The following ANTXR1 variants were observed in gnomAD, a reference collection of about 807,000 sequenced individuals.
ANTXR1 encodes anthrax toxin receptor 1.
ANTXR1 carries 19 observed loss-of-function variants against 78.1 expected under a neutral mutation model. That is an observed-to-expected ratio of 0.24 (90% CI 0.17 to 0.36). ANTXR1 has a LOEUF of 0.36. Among genes scored for constraint, ANTXR1 ranks in the 10% least tolerant of loss-of-function variants. The pLI is 1.00. For missense variants in ANTXR1, 518 were observed against 718.6 expected, an observed-to-expected ratio of 0.72 and a Z score of 3.19; for synonymous variants, 273 against 260.5, an observed-to-expected ratio of 1.05 and a Z score of -0.46.
At chr2:69,096,632 C>A (rs935963491) in intron 9 of ANTXR1, among the ~76,000 whole-genome samples, 1 of 152,074 alleles carries the variant, frequency 6.6e-6, no homozygotes, top group African/African-American at 2.4e-5. Flanking sequence ...CCTATCTGAT[C>A]TGCATATATA....
At chr2:69,186,385 G>A (rs1674416352) in intron 16 of ANTXR1, among the ~76,000 whole-genome samples, 1 of 152,220 alleles carries the variant, frequency 6.6e-6, no homozygotes. Context: ...TGAGTCCCGT[G>A]CTAGCCACAA....
intron 17 of ANTXR1, among the ~76,000 whole-genome samples, chr2:69,230,884 T>C (rs1675579716): frequency 6.6e-6 from 1 of 152,210 alleles, no homozygotes; most frequent in South Asian, 2.1e-4. Context: ...GGGCTTGTTG[T>C]ACAGATTATT....
At chr2:69,114,992 A>G (rs184974234) in intron 10 of ANTXR1, among the ~76,000 whole-genome samples, 2 of 152,322 alleles carry the variant, frequency 1.3e-5, no homozygotes, top group East Asian at 1.9e-4. Context: ...AAGCCATGGT[A>G]GACATTACGC....
intron 13 of ANTXR1, among the ~76,000 whole-genome samples, chr2:69,161,377 A>G (rs1673678485): frequency 6.6e-6 from 1 of 152,186 alleles, no homozygotes. Context: ...AATCATTTGA[A>G]ATCTGAGTTC....
At chr2:69,074,831 A>T (rs1670680653) in intron 6 of ANTXR1, among the ~76,000 whole-genome samples, 1 of 152,256 alleles carries the variant, frequency 6.6e-6, no homozygotes, top group South Asian at 2.1e-4. Context: ...TTAAGCACCC[A>T]CTGTAAGTGC....
At chr2:69,028,188 A>C (rs933253431) in intron 1 of ANTXR1, among the ~76,000 whole-genome samples, 1 of 152,228 alleles carries the variant, frequency 6.6e-6, no homozygotes. Flanking sequence ...CTTTAATAGA[A>C]GAAAACTCTT....
chr2:69,219,069 A>C (rs13002951), intron 17 of ANTXR1, among the ~76,000 whole-genome samples: 2 of 152,198 alleles, frequency 1.3e-5, no homozygotes, highest in Non-Finnish European at 2.9e-5. Context: ...GAATGCTTAA[A>C]AGAATTAAGC....
At chr2:69,183,263 C>T (rs191136802) in intron 16 of ANTXR1, among the ~76,000 whole-genome samples, 4,887 of 134,366 alleles carry the variant, frequency 0.036, 282 homozygotes, top group African/African-American at 0.19. Flanking sequence ...AGGACTCACT[C>T]TTTCTGGTTG....
At chr2:69,044,445 C>G (rs1474068364) in intron 2 of ANTXR1, among the ~76,000 whole-genome samples, 1 of 152,168 alleles carries the variant, frequency 6.6e-6, no homozygotes, top group Non-Finnish European at 1.5e-5. Flanking sequence ...ACACTTCAAA[C>G]AGAACACAGG....
At chr2:69,131,523 C>T (rs901999462) in intron 12 of ANTXR1, among the ~76,000 whole-genome samples, 6 of 152,190 alleles carry the variant, frequency 3.9e-5, no homozygotes, top group African/African-American at 9.7e-5. Flanking sequence ...ATAAAGCAAA[C>T]GCAGACATTG....
At position 69,249,204 on chromosome 2, in the gene ANTXR1, G is replaced by A. The variant is rs1259783075; in HGVS notation, c.*3719G>A. 3 of 146,900 alleles carry A rather than the reference G, an allele frequency of 2.0e-5. No homozygotes were observed. The highest frequency in any genetic ancestry group is 3.0e-5 in the Non-Finnish European group (2 of 67,488). The allele number at this position is 146,900 out of a possible 1,614,324, so 9.1% of individuals were successfully genotyped here. On this transcript the variant is annotated 3_prime_UTR_variant, in exon 18 of 18. Coordinates refer to ENST00000303714, the MANE Select transcript of ANTXR1 (RefSeq NM_032208.3). ...TCTGGTTGTCTGTTTGTTATAAAGT[G>A]CAACGTATTCAAGTCCTCAATATCC...
chr2:69,134,861 C>T (rs1672865160), intron 12 of ANTXR1: 1 of 189,266 alleles, frequency 5.3e-6, no homozygotes, highest in African/African-American at 2.3e-5. Flanking sequence ...AATTTACAAA[C>T]AACACATTAG....
In ANTXR1 at chr2:69,033,891, T is replaced by C. The variant is rs990944896; in HGVS notation, c.153-6153T>C. Among the ~76,000 whole-genome samples the C allele has an allele frequency of 2.0e-5, 3 of 152,214 alleles. No homozygotes were observed. The South Asian group carries it at 6.2e-4, about 32-fold the overall frequency. The stretch of plus-strand genomic sequence containing the variant: ...GATTCTTTCTGACTCTGGTTGTATG[T>C]GTGGCTAATGGAAAGAGCCTGTGTT... On this transcript the variant is annotated intron_variant, in intron 1 of 17. Coordinates refer to ENST00000303714, the MANE Select transcript of ANTXR1 (RefSeq NM_032208.3).
chr2:69,022,864 C>A (rs1313384235), intron 1 of ANTXR1, among the ~76,000 whole-genome samples: 1 of 152,242 alleles, frequency 6.6e-6, no homozygotes, highest in South Asian at 2.1e-4. Flanking sequence ...AAACCACACA[C>A]AATATGAAGG....
intron 12 of ANTXR1, among the ~76,000 whole-genome samples, chr2:69,138,132 G>A (rs918332801): frequency 2.0e-5 from 3 of 151,426 alleles, no homozygotes; most frequent in African/African-American, 7.3e-5. Context: ...AAAAAAAATT[G>A]GTAGAGGGGG....
At chr2:69,239,173 C>T (rs1292270890) in intron 17 of ANTXR1, among the ~76,000 whole-genome samples, 1 of 152,164 alleles carries the variant, frequency 6.6e-6, no homozygotes, top group Non-Finnish European at 1.5e-5. Flanking sequence ...ATATGCAATA[C>T]AAAGCATTAG....
intron 17 of ANTXR1, among the ~76,000 whole-genome samples, chr2:69,239,494 C>T (rs1675847319): frequency 6.6e-6 from 1 of 152,176 alleles, no homozygotes; most frequent in African/African-American, 2.4e-5. Flanking sequence ...ATCGCTTGAA[C>T]CCAGGAGGCA....
At chr2:69,178,774 C>G (rs1674198909) in intron 14 of ANTXR1, among the ~76,000 whole-genome samples, 1 of 152,216 alleles carries the variant, frequency 6.6e-6, no homozygotes, top group Non-Finnish European at 1.5e-5. Flanking sequence ...GACAAGGCAT[C>G]AGAAAACCAC....
chr2:69,118,123 AC>A (rs1364736211), intron 10 of ANTXR1, among the ~76,000 whole-genome samples: 6 of 152,132 alleles, frequency 3.9e-5, no homozygotes, highest in Non-Finnish European at 7.3e-5. Flanking sequence ...TCTAAGAATT[AC>A]ATTTGGCTAG....
Sources: gnomAD v4.1 joint callset for allele counts (sites outside exome capture counted in the v4.1 genomes callset) on GRCh38, gnomAD v4.1.1 for gene constraint, MANE v1.5 for transcripts, NCBI Gene and HGNC (gene_info 2026-07-23, HGNC 2026-07-21) for gene names.